Variants in PDE3B observed in about 807,000 individuals in gnomAD.
The protein encoded by PDE3B is phosphodiesterase 3B.
Under a neutral mutation model 116.8 loss-of-function variants are expected in PDE3B, and 66 were observed. The ratio of observed to expected loss-of-function variants is 0.56; its 90% confidence interval spans 0.46 to 0.69. The LOEUF (loss-of-function observed/expected upper bound fraction) is 0.69, where lower values mean the gene tolerates loss of function less well. Among genes scored for constraint, PDE3B ranks in the 30% least tolerant of loss-of-function variants. The pLI, the probability that PDE3B is intolerant of heterozygous loss-of-function variation, is 0.00. For missense variants in PDE3B, 1,384 were observed against 1,368.1 expected (o/e 1.01, Z -0.18); for synonymous variants, 595 against 533.6 (o/e 1.12, Z -1.59).
At chr11:14,697,752 T>C (rs550297314) in intron 1 of PDE3B, among the ~76,000 whole-genome samples, 1 of 152,274 alleles carries the variant, frequency 6.6e-6, no homozygotes, top group Admixed American at 6.5e-5. Flanking sequence ...TTAAAATTTT[T>C]TTCTCAATTT....
intron 1 of PDE3B, among the ~76,000 whole-genome samples, chr11:14,754,488 C>T (rs1045198773): frequency 1.7e-4 from 26 of 152,150 alleles, no homozygotes; most frequent in Admixed American, 3.3e-4. Flanking sequence ...AACGACATTA[C>T]TTAAAAGAAC....
At chr11:14,666,230 A>G (rs1430987766) in intron 1 of PDE3B, among the ~76,000 whole-genome samples, 1 of 148,934 alleles carries the variant, frequency 6.7e-6, no homozygotes, top group Non-Finnish European at 1.5e-5. Context: ...GGCTAGCCAT[A>G]TGTAGAAAGC....
intron 1 of PDE3B, among the ~76,000 whole-genome samples, chr11:14,700,397 A>C (rs1449177101): frequency 6.6e-6 from 1 of 151,784 alleles, no homozygotes; most frequent in Non-Finnish European, 1.5e-5. Flanking sequence ...GATTTTATTA[A>C]TGCTGTAAAA....
rs546257950 is a variant in PDE3B, at chr11:14,727,069, C to T, written c.979-44868C>T. 7.2e-5 allele frequency among the ~76,000 whole-genome samples: 11 copies of T among 152,244 alleles called. No individual in the cohort carries two copies. In the South Asian group the frequency reaches 2.3e-3, roughly 32 times the overall value. On this transcript the variant is annotated intron_variant, in intron 1 of 15. Coordinates refer to ENST00000282096, the MANE Select transcript of PDE3B (RefSeq NM_000922.4). ...GCAAGGTGGCAAAGCTTACCTTTCT[C>T]CTCAAACCTATCTACCAAAGTTCTC...
chr11:14,675,265 C>T lies in PDE3B; in HGVS notation c.978+30212C>T, dbSNP rs117163771. Reference sequence around the variant, plus strand: ...TTTCTGTTGGATGGTAAATTATCACCTATTTCTCTATTTCTTAAGAGCAGA... The same window carrying T: ...TTTCTGTTGGATGGTAAATTATCACTTATTTCTCTATTTCTTAAGAGCAGA... On this transcript the variant is annotated intron_variant, in intron 1 of 15. Coordinates refer to ENST00000282096, the MANE Select transcript of PDE3B (RefSeq NM_000922.4). 3.7e-3 allele frequency among the ~76,000 whole-genome samples: 557 copies of T among 152,138 alleles called. 4 individuals are homozygous for T. The highest frequency in any genetic ancestry group is 5.6e-3 in the Admixed American group (86 of 15,272).
chr11:14,695,699 A>G (rs1049176377), intron 1 of PDE3B, among the ~76,000 whole-genome samples: 3 of 151,316 alleles, frequency 2.0e-5, no homozygotes, highest in African/African-American at 7.3e-5. Context: ...CCCAGCAAGT[A>G]TTGTTCCCCT....
the PDE3B span, among the ~76,000 whole-genome samples, chr11:14,889,169 T>TG: frequency 6.7e-6 from 1 of 149,624 alleles, no homozygotes. Flanking sequence ...CAGTTGTTTT[T>TG]TTTTTTTTTT....
intron 12 of PDE3B, among the ~76,000 whole-genome samples, chr11:14,852,893 C>CA (rs1375685008): frequency 5.3e-5 from 8 of 151,688 alleles, no homozygotes; most frequent in Non-Finnish European, 1.2e-4. Flanking sequence ...GACCCTGTTT[C>CA]AAAAAAATAA....
intron 1 of PDE3B, among the ~76,000 whole-genome samples, chr11:14,655,450 C>T (rs766276821): frequency 6.6e-5 from 10 of 152,216 alleles, no homozygotes; most frequent in Non-Finnish European, 8.8e-5. Context: ...TTAATATACT[C>T]TTCTTATACT....
At chr11:14,682,786 G>GT (rs1005093819) in intron 1 of PDE3B, among the ~76,000 whole-genome samples, 69 of 144,348 alleles carry the variant, frequency 4.8e-4, no homozygotes, top group East Asian at 2.2e-3. Flanking sequence ...GTTTTTTGTT[G>GT]TTTTTTTTTT....
At chr11:14,846,412 T>A (rs1847603211) in intron 12 of PDE3B, among the ~76,000 whole-genome samples, 1 of 152,196 alleles carries the variant, frequency 6.6e-6, no homozygotes, top group African/African-American at 2.4e-5. Flanking sequence ...CCATCGAGGC[T>A]AGGAAGAAAC....
At chr11:14,805,222 A>G (rs1479712202) in intron 5 of PDE3B, among the ~76,000 whole-genome samples, 1 of 152,214 alleles carries the variant, frequency 6.6e-6, no homozygotes, top group Non-Finnish European at 1.5e-5. Context: ...TTATAAAGAA[A>G]AAGTTTCAAA....
intron 1 of PDE3B, among the ~76,000 whole-genome samples, chr11:14,732,102 A>G (rs1287256350): frequency 6.6e-6 from 1 of 152,156 alleles, no homozygotes; most frequent in African/African-American, 2.4e-5. Flanking sequence ...TGTCTTGGAG[A>G]AGAACATTAT....
intron 1 of PDE3B, among the ~76,000 whole-genome samples, chr11:14,771,202 C>T (rs1857633116): frequency 6.6e-6 from 1 of 151,574 alleles, no homozygotes. Context: ...CAAAAGAAGA[C>T]CTATTTAACT....
rs1170367995 is a variant in PDE3B, at chr11:14,830,919, T to C, written c.1956+73T>C. On this transcript the variant is annotated intron_variant, in intron 8 of 15. Transcript: ENST00000282096. ...CTGTTAGTACTGGTTTCATTACTTTTGCCCAGAACAAGATTTTTAATATAG... is the reference window on the plus strand; with the variant it reads ...CTGTTAGTACTGGTTTCATTACTTTCGCCCAGAACAAGATTTTTAATATAG... 6 of 1,026,966 alleles carry C rather than the reference T, an allele frequency of 5.8e-6. No homozygotes were observed. In the East Asian group the frequency reaches 1.8e-4, roughly 30 times the overall value. The allele number at this position is 1,026,966 out of a possible 1,614,324, so 63.6% of individuals were successfully genotyped here.
chr11:14,800,920 T>C lies in PDE3B; in HGVS notation c.1416-3024T>C, dbSNP rs556064942. 3.9e-5 allele frequency among the ~76,000 whole-genome samples: 6 copies of C among 152,226 alleles called. No homozygotes were observed. The East Asian group carries it at 7.7e-4, about 20-fold the overall frequency. ...TCAAGTTGATCTTCAATCTCTGATA[T>C]CCTTTCTTCCACTTGATCAATTAGG... On this transcript the variant is annotated intron_variant, in intron 4 of 15. Transcript: ENST00000282096.
At chr11:14,730,617 A>G (rs1356310957) in intron 1 of PDE3B, among the ~76,000 whole-genome samples, 1 of 152,236 alleles carries the variant, frequency 6.6e-6, no homozygotes, top group Non-Finnish European at 1.5e-5. Context: ...TATTACTTTA[A>G]CAAGTTTCTG....
intron 1 of PDE3B, among the ~76,000 whole-genome samples, chr11:14,665,007 A>T (rs2015381214): frequency 6.6e-6 from 1 of 152,234 alleles, no homozygotes; most frequent in Admixed American, 6.5e-5. Flanking sequence ...ACATTGATGC[A>T]AAAATCCTCA....
chr11:14,855,526 G>T (rs1555006032), intron 12 of PDE3B, among the ~76,000 whole-genome samples: 1 of 152,140 alleles, frequency 6.6e-6, no homozygotes. Flanking sequence ...GGTGCATATT[G>T]TGGGATAGGC....
Sources: allele counts gnomAD v4.1 joint callset (sites outside exome capture counted in the v4.1 genomes callset), GRCh38; gene constraint gnomAD v4.1.1; transcripts MANE v1.5; gene names NCBI Gene and HGNC (gene_info 2026-07-23, HGNC 2026-07-21).